IFT122: variants seen among roughly 807,000 people sequenced by gnomAD.
IFT122 encodes intraflagellar transport protein 122 homolog.
Under a neutral mutation model 161.6 loss-of-function variants are expected in IFT122, and 118 were observed. The observed-to-expected ratio is 0.73, with a 90% CI of 0.63 to 0.85. IFT122 has a LOEUF of 0.85. Ranked by LOEUF, IFT122 falls within the 40% of genes least tolerant of loss-of-function variation. The pLI is 0.00. For missense variants in IFT122, 1,381 were observed against 1,579.6 expected, an observed-to-expected ratio of 0.87 and a Z score of 2.13; for synonymous variants, 550 against 602.4, an observed-to-expected ratio of 0.91 and a Z score of 1.27.
chr3:129,452,598 G>A (rs1193804693), intron 3 of IFT122, among the ~76,000 whole-genome samples: 1 of 152,206 alleles, frequency 6.6e-6, no homozygotes, highest in Admixed American at 6.5e-5. Flanking sequence ...TGTGGGTGTG[G>A]CTGCTAGGAG....
At chr3:129,510,231 G>A (rs1045924233) in intron 23 of IFT122, among the ~76,000 whole-genome samples, 3 of 152,162 alleles carry the variant, frequency 2.0e-5, no homozygotes, top group Admixed American at 6.5e-5. Flanking sequence ...CAGCCTTCCC[G>A]CCGTTCTTTG....
At position 129,498,912 on chromosome 3, in the gene IFT122, G is replaced by A. The variant is rs1202836162; in HGVS notation, c.2209-990G>A. 4.6e-5 allele frequency among the ~76,000 whole-genome samples: 7 copies of A among 152,306 alleles called. No homozygotes were observed. The South Asian group carries it at 1.2e-3, about 27-fold the overall frequency. Reference sequence around the variant, plus strand: ...TGCCTCAATTCTGGCAAACTCCCACGTGTGTATTTTGGGTAACTACTCTGA... The same window carrying A: ...TGCCTCAATTCTGGCAAACTCCCACATGTGTATTTTGGGTAACTACTCTGA... On this transcript the variant is annotated intron_variant, in intron 18 of 29. Transcript: ENST00000348417.
rs2081968039 is a variant in IFT122 at position 129,504,367 on chromosome 3, A to G, written c.2596A>G (p.Met866Val). 6.2e-7 allele frequency: 1 copy of G among 1,614,146 alleles called. No individual in the cohort carries two copies. Among genetic ancestry groups the G allele is most frequent in the African/African-American group, 1.3e-5 (1 of 75,060 alleles). Residue 866 changes from methionine (M) to valine (V), a missense_variant, in exon 21 of 30, where the codon ATG (methionine) becomes GTG (valine). Coordinates refer to ENST00000348417, the MANE Select transcript of IFT122 (RefSeq NM_052989.3). ...TCCTGAGTTTAAGGATGACATCTAC[A>G]TGCCGTATGCTCAGTGGCTAGCAGA... ...KHPEFKDDIYMPYAQWLAEND... is the reference protein window; with the variant it reads ...KHPEFKDDIYVPYAQWLAEND...
intron 15 of IFT122, among the ~76,000 whole-genome samples, chr3:129,485,942 G>T (rs2079223619): frequency 6.6e-6 from 1 of 152,248 alleles, no homozygotes; most frequent in Non-Finnish European, 1.5e-5. Context: ...ATCAGACCCA[G>T]TCTTGGAATT....
rs377161382 is a variant in IFT122, at chr3:129,504,267, A to C, written c.2548-52A>C. ...GGATTCAGCCAAGTACAGTGTTTTC[A>C]TGGGGGCTGCAGGGGCAGCTTTATT... On this transcript the variant is annotated intron_variant, in intron 20 of 29. Transcript: ENST00000348417. 6 of 1,436,254 alleles carry C rather than the reference A, an allele frequency of 4.2e-6. No homozygotes were observed. The East Asian group carries it at 1.4e-4, about 33-fold the overall frequency. 89.0% of individuals were successfully genotyped at this position (1,436,254 alleles called of 1,614,324 possible).
At chr3:129,483,736 G>A (rs991274330) in intron 15 of IFT122, 54 bp downstream of exon 15, 3 of 1,493,734 alleles carry the variant, frequency 2.0e-6, no homozygotes, top group African/African-American at 2.8e-5. Flanking sequence ...CAAGACCAGG[G>A]AAGCTGGGCC....
At position 129,479,881 on chromosome 3, in the gene IFT122, C is replaced by G. The variant is rs781635627; in HGVS notation, c.1447C>G (p.Pro483Ala). Residue 483 changes from proline (P) to alanine (A), a missense_variant, in exon 13 of 30, where the codon CCT becomes GCT. By Grantham distance (27) the Pro-to-Ala change is conservative. This residue lies in a region of IFT122 where 544 missense variants were observed against 648.0 expected (regional missense o/e 0.84). Coordinates refer to ENST00000348417, the MANE Select transcript of IFT122 (RefSeq NM_052989.3). ...TTACATCAAGGTGATCGGTGGCCCT[C>G]CTGGAAGAGAAGGCCTCTTAGTGGG... ...IRYIKVIGGP[P>A]GREGLLVGLK... is the part of the protein sequence containing the mutation. The G allele has an allele frequency of 7.4e-6, 12 of 1,613,890 alleles. No homozygotes were observed. The highest frequency in any genetic ancestry group is 1.0e-5 in the Non-Finnish European group (12 of 1,180,016).
chr3:129,482,055 G>A (rs1480712550), intron 14 of IFT122, among the ~76,000 whole-genome samples: 1 of 152,246 alleles, frequency 6.6e-6, no homozygotes, highest in East Asian at 1.9e-4. Context: ...CACTTCCTTT[G>A]CAGAAGTCTG....
chr3:129,447,136 G>C (rs2074108068), intron 1 of IFT122, among the ~76,000 whole-genome samples: 1 of 152,128 alleles, frequency 6.6e-6, no homozygotes, highest in African/African-American at 2.4e-5. Flanking sequence ...GGCAAGAAGA[G>C]TCAAACTGCA....
intron 1 of IFT122, among the ~76,000 whole-genome samples, chr3:129,446,259 C>T (rs2073980073): frequency 6.6e-6 from 1 of 151,524 alleles, no homozygotes; most frequent in Non-Finnish European, 1.5e-5. Context: ...GAGTCTCACT[C>T]TGTCGCCCAG....
chr3:129,514,134 G>A (rs920856420), intron 24 of IFT122: 1 of 580,942 alleles, frequency 1.7e-6, no homozygotes, highest in African/African-American at 1.8e-5. Flanking sequence ...CCATCAGCAG[G>A]CCCAGAGATG....
chr3:129,459,874 T>C (rs889956563), intron 4 of IFT122, among the ~76,000 whole-genome samples: 2 of 151,694 alleles, frequency 1.3e-5, no homozygotes, highest in East Asian at 3.9e-4. Flanking sequence ...TTACTTCAGC[T>C]TCCCAAATAG....
intron 6 of IFT122, among the ~76,000 whole-genome samples, chr3:129,463,989 C>G (rs577255585): frequency 1.8e-4 from 27 of 152,206 alleles, no homozygotes; most frequent in Non-Finnish European, 3.5e-4. Flanking sequence ...CAGAATCTCT[C>G]ATTGACAGGC....
intron 1 of IFT122, among the ~76,000 whole-genome samples, chr3:129,447,452 C>T (rs1481360158): frequency 1.3e-5 from 2 of 152,052 alleles, no homozygotes; most frequent in Admixed American, 6.6e-5. Flanking sequence ...TTGTGGAGAC[C>T]CATGTTCTTA....
intron 3 of IFT122, among the ~76,000 whole-genome samples, chr3:129,452,537 G>A (rs1376725074): frequency 6.6e-6 from 1 of 152,086 alleles, no homozygotes; most frequent in Non-Finnish European, 1.5e-5. Flanking sequence ...AGTGGGCATC[G>A]GGGGGAAGAG....
At chr3:129,466,588 G>A (rs569384690) in intron 7 of IFT122, among the ~76,000 whole-genome samples, 2 of 134,058 alleles carry the variant, frequency 1.5e-5, no homozygotes, top group African/African-American at 2.8e-5. Flanking sequence ...TGCAACCTCC[G>A]CCTCCCAGGT....
chr3:129,514,175 A>G lies in IFT122; in HGVS notation c.2988-214A>G. 3 of 687,796 alleles carry G rather than the reference A, an allele frequency of 4.4e-6. No homozygotes were observed. In the South Asian group the frequency reaches 4.5e-5, roughly 10 times the overall value. The allele number at this position is 687,796 out of a possible 1,614,324, so 42.6% of individuals were successfully genotyped here. ...CAAGGTTAAAGTATTAATGGAAACT[A>G]CGCTGTTTTTATCTTTGGAAAAATT... On this transcript the variant is annotated intron_variant, in intron 24 of 29. Transcript: ENST00000348417.
intron 21 of IFT122, among the ~76,000 whole-genome samples, chr3:129,505,518 C>T (rs543866510): frequency 6.6e-6 from 1 of 152,350 alleles, no homozygotes; most frequent in East Asian, 1.9e-4. Context: ...CTGTCTGTGT[C>T]TGCCCTTCCA....
intron 23 of IFT122, among the ~76,000 whole-genome samples, chr3:129,509,312 C>T (rs2082523771): frequency 6.6e-6 from 1 of 150,382 alleles, no homozygotes; most frequent in South Asian, 2.2e-4. Context: ...ACATTGAGTT[C>T]TTCGGCAACT....
Sources: allele counts gnomAD v4.1 joint callset (sites outside exome capture counted in the v4.1 genomes callset), GRCh38; gene constraint gnomAD v4.1.1; regional missense constraint gnomAD v4.1.1; transcripts MANE v1.5; gene names NCBI Gene and HGNC (gene_info 2026-07-23, HGNC 2026-07-21).